MYOM1: variants seen among roughly 807,000 people sequenced by gnomAD.
The protein encoded by MYOM1 is myomesin 1.
MYOM1 carries 164 observed loss-of-function variants against 205.3 expected under a neutral mutation model. That is an observed-to-expected ratio of 0.80 (90% CI 0.70 to 0.91). The LOEUF is 0.91. Ranked by LOEUF, MYOM1 falls within the 40% of genes least tolerant of loss-of-function variation. The pLI is 0.00. For missense variants in MYOM1, 2,011 were observed against 2,127.3 expected (o/e 0.95, Z 1.08); for synonymous variants, 772 against 789.4 (o/e 0.98, Z 0.37).
In MYOM1 at chr18:3,156,764, T is replaced by C. The variant is rs988956427; in HGVS notation, c.1502-1676A>G. Among the ~76,000 whole-genome samples, 7 of 152,194 alleles carry C rather than the reference T, an allele frequency of 4.6e-5. No individual in the cohort carries two copies. In the East Asian group the frequency reaches 1.4e-3, roughly 29 times the overall value. ...TGGGACTACAGGCGTGCACCACCTA[T>C]GCCCGGCTAATTTTTTTTGTATTTT... On this transcript the variant is annotated intron_variant, in intron 10 of 37. Transcript: ENST00000356443.
intron 14 of MYOM1, among the ~76,000 whole-genome samples, chr18:3,140,404 CA>C (rs34922897): frequency 0.18 from 21,541 of 118,198 alleles, 1,601 homozygotes; most frequent in Middle Eastern, 0.34. Flanking sequence ...GAGGCTGTCT[CA>C]AAAAAAAAAA....
intron 17 of MYOM1, among the ~76,000 whole-genome samples, chr18:3,130,848 C>T (rs2079864964): frequency 6.6e-6 from 1 of 152,134 alleles, no homozygotes; most frequent in African/African-American, 2.4e-5. Flanking sequence ...CATATAATTA[C>T]TTTATTACTG....
chr18:3,139,583 T>A (rs1165128366), intron 14 of MYOM1, among the ~76,000 whole-genome samples: 1 of 152,120 alleles, frequency 6.6e-6, no homozygotes, highest in African/African-American at 2.4e-5. Context: ...GGTTAGCATA[T>A]CAGAACAGCT....
chr18:3,067,403 A>C lies in MYOM1; in HGVS notation c.4917T>G (p.Ala1639=). 1 of 1,613,456 alleles carries C rather than the reference A, an allele frequency of 6.2e-7. No individual in the cohort carries two copies. Among genetic ancestry groups the C allele is most frequent in the Non-Finnish European group, 8.5e-7 (1 of 1,179,906 alleles). ...AYFTINGVST[A]DSGKYGLVVK... ...CAACCAGCCCGTATTTGCCCGAGTC[A>C]GCGGTGCTCACGCCGTTGATGGTGA... is the stretch of plus-strand genomic sequence containing the variant. The change falls in exon 38 of 38, where the codon GCT becomes GCG. Residue 1639 remains alanine (A), a synonymous_variant. Transcript: ENST00000356443.
chr18:3,225,409 G>A, the MYOM1 span, among the ~76,000 whole-genome samples: 22 of 152,130 alleles, frequency 1.4e-4, no homozygotes, highest in Admixed American at 3.3e-4. Context: ...GAGAAGGGAG[G>A]GAAGCCCTTT....
chr18:3,197,851 T>A (rs576804356), intron 2 of MYOM1, among the ~76,000 whole-genome samples: 6 of 151,886 alleles, frequency 4.0e-5, no homozygotes, highest in Non-Finnish European at 8.8e-5. Flanking sequence ...CTGGCCTGGG[T>A]GACAGAGCGA....
At chr18:3,127,055 G>A (rs2079797906) in intron 18 of MYOM1, among the ~76,000 whole-genome samples, 158 bp from the exon 19 acceptor site, 1 of 151,850 alleles carries the variant, frequency 6.6e-6, no homozygotes. Flanking sequence ...TGAATGCAAT[G>A]GACACAGTAA....
At chr18:3,156,987 C>A (rs1198451424) in intron 10 of MYOM1, among the ~76,000 whole-genome samples, 3 of 152,124 alleles carry the variant, frequency 2.0e-5, no homozygotes, top group Non-Finnish European at 1.5e-5. Context: ...CAGAGCAGAG[C>A]TGCAGAGGAG....
chr18:3,242,987 A>G, the MYOM1 span, among the ~76,000 whole-genome samples: 2 of 152,080 alleles, frequency 1.3e-5, no homozygotes, highest in African/African-American at 4.8e-5. Flanking sequence ...CAAATTTTCT[A>G]GTATGGAAGT....
the MYOM1 span, among the ~76,000 whole-genome samples, chr18:3,232,664 T>G: frequency 6.6e-6 from 1 of 152,246 alleles, no homozygotes; most frequent in Non-Finnish European, 1.5e-5. Context: ...TCTACTCTTC[T>G]TCCCAACAAG....
At chr18:3,167,444 C>A (rs544022492) in intron 9 of MYOM1, among the ~76,000 whole-genome samples, 3 of 152,190 alleles carry the variant, frequency 2.0e-5, no homozygotes, top group Non-Finnish European at 4.4e-5. Context: ...AGTGCAATGG[C>A]GCAATCTTGG....
intron 19 of MYOM1, among the ~76,000 whole-genome samples, chr18:3,125,436 T>C (rs899890240): frequency 5.3e-5 from 8 of 152,100 alleles, no homozygotes; most frequent in Non-Finnish European, 1.0e-4. Context: ...TATAGCCACA[T>C]GCACTAACAG....
intron 3 of MYOM1, 84 bp downstream of exon 3, chr18:3,193,734 C>T: frequency 1.5e-6 from 2 of 1,374,914 alleles, no homozygotes; most frequent in African/African-American, 1.4e-5. Context: ...CTGTCCACAA[C>T]AATTATGACT....
Position 3,094,656 on chromosome 18 carries a change from C to A in MYOM1, c.3728-350G>T, listed in dbSNP as rs1203883210. Among the ~76,000 whole-genome samples the A allele has an allele frequency of 2.0e-5, 3 of 150,876 alleles. No individual in the cohort carries two copies. The East Asian group carries it at 5.9e-4, about 29-fold the overall frequency. ...CTGTGGCTTTTGGTTGGTGTTTTTTCTTTTTCTTTTTCTTTTTTTTTTTGC... is the reference window on the plus strand; with the variant it reads ...CTGTGGCTTTTGGTTGGTGTTTTTTATTTTTCTTTTTCTTTTTTTTTTTGC... On this transcript the variant is annotated intron_variant, in intron 25 of 37. Coordinates refer to ENST00000356443, the MANE Select transcript of MYOM1 (RefSeq NM_003803.4).
rs35202568 is a variant in MYOM1 at position 3,164,028 on chromosome 18, A to AT, written c.1501+249dup. Among the ~76,000 whole-genome samples, 69,363 of 149,970 alleles carry AT rather than the reference A, an allele frequency of 0.46. 16,086 individuals are homozygous for AT. Among genetic ancestry groups the AT allele is most frequent in the Admixed American group, 0.51 (7,647 of 15,060 alleles). ...CCGCCATGCCCAGCTAATCAAAAAA[A>AT]TTTTTTTTTGTAGAAATGGGTTCTT... On this transcript the variant is annotated intron_variant, in intron 10 of 37. Coordinates refer to ENST00000356443, the MANE Select transcript of MYOM1 (RefSeq NM_003803.4).
Position 3,126,823 on chromosome 18 carries a change from G to A in MYOM1, c.2869C>T (p.Pro957Ser), listed in dbSNP as rs1469273612. The A allele has an allele frequency of 2.5e-6, 4 of 1,613,494 alleles. No homozygotes were observed. The highest frequency in any genetic ancestry group is 2.2e-5 in the East Asian group (1 of 44,882). ...ATTTCTGCCCCTCCAATCTTATCTGGTTGCTTCCATCCAAGAACCATTGAG... is the reference window on the plus strand; with the variant it reads ...ATTTCTGCCCCTCCAATCTTATCTGATTGCTTCCATCCAAGAACCATTGAG... ...RDSMVLGWKQ[P>S]DKIGGAEITG... Residue 957 changes from proline (P) to serine (S), a missense_variant, in exon 19 of 38, where the codon CCA (proline) becomes TCA (serine). Pro to Ser is a moderately conservative substitution (Grantham distance 74, BLOSUM62 -1). Transcript: ENST00000356443.
At chr18:3,182,515 T>C (rs1438800695) in intron 5 of MYOM1, among the ~76,000 whole-genome samples, 1 of 152,190 alleles carries the variant, frequency 6.6e-6, no homozygotes, top group East Asian at 1.9e-4. Context: ...TCACATAATG[T>C]TTAAAATCTG....
intron 31 of MYOM1, among the ~76,000 whole-genome samples, chr18:3,084,626 T>C (rs948041185): frequency 2.0e-5 from 3 of 152,244 alleles, no homozygotes; most frequent in African/African-American, 7.2e-5. Context: ...TAGTAGTCTC[T>C]GAAAAATGGA....
At chr18:3,165,981 C>T (rs2080461845) in intron 9 of MYOM1, among the ~76,000 whole-genome samples, 1 of 152,230 alleles carries the variant, frequency 6.6e-6, no homozygotes, top group African/African-American at 2.4e-5. Context: ...GCTCACACTG[C>T]CTACTACCCA....
Sources: gnomAD v4.1 joint callset for allele counts (sites outside exome capture counted in the v4.1 genomes callset) on GRCh38, gnomAD v4.1.1 for gene constraint, MANE v1.5 for transcripts, NCBI Gene and HGNC (gene_info 2026-07-23, HGNC 2026-07-21) for gene names.